PTPRT: variants seen among roughly 807,000 people sequenced by gnomAD.
The protein encoded by PTPRT is protein tyrosine phosphatase receptor type T, also known as receptor-type tyrosine-protein phosphatase T.
Under a neutral mutation model 176.8 loss-of-function variants are expected in PTPRT, and 56 were observed. The observed-to-expected ratio is 0.32, with a 90% confidence interval of 0.26 to 0.40. The LOEUF is 0.40. Ranked by LOEUF, PTPRT falls within the 10% of genes least tolerant of loss-of-function variation. The pLI is 1.00. For synonymous variants in PTPRT, 783 were observed against 739.0 expected (o/e 1.06, Z -0.96); for missense variants, 1,540 against 1,908.2 (o/e 0.81, Z 3.60).
chr20:42,524,620 T>A (rs900539740), intron 7 of PTPRT, among the ~76,000 whole-genome samples: 1 of 152,160 alleles, frequency 6.6e-6, no homozygotes, highest in African/African-American at 2.4e-5. Flanking sequence ...TTCTTATTTA[T>A]CCCGCTTAGG....
At chr20:42,512,147 T>TA (rs1479802246) in intron 7 of PTPRT, among the ~76,000 whole-genome samples, 1 of 152,160 alleles carries the variant, frequency 6.6e-6, no homozygotes, top group Admixed American at 6.5e-5. Context: ...TTCATGAAAT[T>TA]TAATACACAA....
intron 1 of PTPRT, among the ~76,000 whole-genome samples, chr20:42,992,453 A>C (rs1983970773): frequency 6.6e-6 from 1 of 152,248 alleles, no homozygotes; most frequent in Non-Finnish European, 1.5e-5. Flanking sequence ...AAGCTGGCCC[A>C]GGAAGCAAGG....
intron 16 of PTPRT, among the ~76,000 whole-genome samples, chr20:42,191,707 A>G (rs1481803650): frequency 6.6e-6 from 1 of 152,200 alleles, no homozygotes; most frequent in Non-Finnish European, 1.5e-5. Flanking sequence ...GTGACACCAG[A>G]GGGCAGACAA....
intron 1 of PTPRT, among the ~76,000 whole-genome samples, chr20:42,924,163 C>T (rs1324106365): frequency 6.6e-6 from 1 of 152,132 alleles, no homozygotes; most frequent in Non-Finnish European, 1.5e-5. Flanking sequence ...CCAGATGGCA[C>T]ATTCTTAATA....
chr20:42,371,270 G>A (rs2058583370), intron 9 of PTPRT, among the ~76,000 whole-genome samples: 2 of 152,204 alleles, frequency 1.3e-5, no homozygotes, highest in Non-Finnish European at 2.9e-5. Flanking sequence ...GCACCATCCT[G>A]TGCCAACATT....
At chr20:42,156,350 G>A (rs1439623909) in intron 17 of PTPRT, among the ~76,000 whole-genome samples, 2 of 152,160 alleles carry the variant, frequency 1.3e-5, no homozygotes, top group African/African-American at 2.4e-5. Context: ...TCTGTACCCT[G>A]GAAAATGCTC....
chr20:42,829,671 G>C (rs2078054417), intron 2 of PTPRT, among the ~76,000 whole-genome samples: 1 of 152,174 alleles, frequency 6.6e-6, no homozygotes. Flanking sequence ...GAATCCAGGA[G>C]TTGGTTTTTT....
intron 1 of PTPRT, among the ~76,000 whole-genome samples, chr20:42,941,088 A>AAAAAAAT (rs1555807280): frequency 6.6e-6 from 1 of 150,400 alleles, no homozygotes; most frequent in Non-Finnish European, 1.5e-5. Flanking sequence ...TCTCAAAAAA[A>AAAAAAAT]AATAATAATA....
intron 9 of PTPRT, among the ~76,000 whole-genome samples, chr20:42,431,365 T>C (rs892286613): frequency 1.3e-5 from 2 of 152,048 alleles, no homozygotes; most frequent in Admixed American, 6.5e-5. Flanking sequence ...TTATCAAATA[T>C]ATAAAAAATA....
At chr20:42,957,563 T>C (rs1437995131) in intron 1 of PTPRT, among the ~76,000 whole-genome samples, 1 of 152,084 alleles carries the variant, frequency 6.6e-6, no homozygotes, top group Non-Finnish European at 1.5e-5. Context: ...CTCCCTTGGT[T>C]CTCAGAGCCC....
chr20:42,808,732 A>G (rs1448414580), intron 2 of PTPRT, among the ~76,000 whole-genome samples: 2 of 152,156 alleles, frequency 1.3e-5, no homozygotes, highest in African/African-American at 4.8e-5. Context: ...ACCTTTATCC[A>G]CTACTGGGAG....
chr20:42,033,506 T>TG, the PTPRT span, among the ~76,000 whole-genome samples: 2 of 152,034 alleles, frequency 1.3e-5, no homozygotes, highest in African/African-American at 4.8e-5. Context: ...ATGTGGAAAA[T>TG]GGAGTCTGAG....
chr20:43,035,841 G>C (rs1568745713), intron 1 of PTPRT, among the ~76,000 whole-genome samples: 1 of 152,216 alleles, frequency 6.6e-6, no homozygotes, highest in Non-Finnish European at 1.5e-5. Context: ...GAAAATTCCA[G>C]ATAAAGCACC....
intron 1 of PTPRT, among the ~76,000 whole-genome samples, chr20:43,083,351 T>TACACAC (rs1555828987): frequency 2.6e-5 from 3 of 114,318 alleles, no homozygotes; most frequent in African/African-American, 1.0e-4. Flanking sequence ...TATATATATA[T>TACACAC]ATATATATAT....
chr20:42,516,954 T>C (rs1411363048), intron 7 of PTPRT, among the ~76,000 whole-genome samples: 2 of 152,152 alleles, frequency 1.3e-5, no homozygotes, highest in South Asian at 2.1e-4. Flanking sequence ...AATTGCTAAC[T>C]AACTTTGGTT....
At chr20:42,909,691 AACCTCTACTGC>A (rs2079520984) in intron 1 of PTPRT, among the ~76,000 whole-genome samples, 1 of 152,178 alleles carries the variant, frequency 6.6e-6, no homozygotes, top group Non-Finnish European at 1.5e-5. Context: ...AGCATTTACC[AACCTCTACTGC>A]ACCTGTAAAG....
At chr20:42,411,791 C>A (rs1230804499) in intron 9 of PTPRT, among the ~76,000 whole-genome samples, 4 of 151,816 alleles carry the variant, frequency 2.6e-5, no homozygotes, top group Non-Finnish European at 5.9e-5. Flanking sequence ...TAACGCATTT[C>A]ACCAAGAAAA....
intron 15 of PTPRT, among the ~76,000 whole-genome samples, chr20:42,209,751 T>C (rs1600680098): frequency 6.6e-6 from 1 of 152,178 alleles, no homozygotes; most frequent in East Asian, 1.9e-4. Flanking sequence ...CTTCTGAAAC[T>C]ATTCCAATCA....
At chr20:43,013,311 T>A (rs929017772) in intron 1 of PTPRT, among the ~76,000 whole-genome samples, 2 of 152,078 alleles carry the variant, frequency 1.3e-5, no homozygotes, top group Non-Finnish European at 2.9e-5. Context: ...CCTCAAAGCA[T>A]CGAGAGCTTC....
Sources: gnomAD v4.1 joint callset for allele counts (sites outside exome capture counted in the v4.1 genomes callset) on GRCh38, gnomAD v4.1.1 for gene constraint, MANE v1.5 for transcripts, NCBI Gene and HGNC (gene_info 2026-07-23, HGNC 2026-07-21) for gene names.